MFHAS1: variants seen among roughly 807,000 people sequenced by gnomAD.
MFHAS1 encodes malignant fibrous histiocytoma-amplified sequence 1.
In MFHAS1, 50 loss-of-function variants were observed where a neutral mutation model predicts 70.4. The observed-to-expected ratio is 0.71, with a 90% confidence interval of 0.57 to 0.90. MFHAS1 has a LOEUF of 0.90. MFHAS1 is among the 40% of genes least tolerant of loss of function. MFHAS1 has a pLI of 0.00. For synonymous variants in MFHAS1, 952 were observed against 620.0 expected (o/e 1.54, Z -7.96); for missense variants, 1,795 against 1,347.6 (o/e 1.33, Z -5.20).
At chr8:8,862,888 A>G (rs1372818597) in intron 1 of MFHAS1, among the ~76,000 whole-genome samples, 4 of 152,184 alleles carry the variant, frequency 2.6e-5, no homozygotes, top group African/African-American at 9.7e-5. Context: ...ACTTCTCTAA[A>G]ACATAGTCTA....
chr8:8,795,610 T>A (rs1805865098), intron 2 of MFHAS1, among the ~76,000 whole-genome samples: 1 of 152,226 alleles, frequency 6.6e-6, no homozygotes, highest in African/African-American at 2.4e-5. Context: ...ATGTAATGAG[T>A]TTCCCAGTTT....
chr8:8,892,772 C>G lies in MFHAS1; in HGVS notation c.287G>C (p.Arg96Thr). The G allele has an allele frequency of 6.3e-7, 1 of 1,582,544 alleles. No homozygotes were observed. The highest frequency in any genetic ancestry group is 8.6e-7 in the Non-Finnish European group (1 of 1,165,502). ...CGGGGGCAGCCGGGCGAAGCGGTTC[C>G]TGCGCAGGACCAGGACGCGCAGGCT... is the stretch of plus-strand genomic sequence containing the variant. Reference protein sequence around the residue: ...LGSLRVLVLRRNRFARLPPAV... With the variant: ...LGSLRVLVLRTNRFARLPPAV... Residue 96 changes from arginine (R) to threonine (T), a missense_variant, in exon 1 of 3, where the codon AGG (arginine) becomes ACG (threonine). Coordinates refer to ENST00000276282, the MANE Select transcript of MFHAS1 (RefSeq NM_004225.3). The surrounding 1 kb of genome is among the most constrained non-coding windows in gnomAD (Gnocchi z 4.7).
At chr8:8,844,151 A>C (rs1169790437) in intron 1 of MFHAS1, among the ~76,000 whole-genome samples, 1 of 152,182 alleles carries the variant, frequency 6.6e-6, no homozygotes, top group Non-Finnish European at 1.5e-5. Context: ...CTAGCAAGAG[A>C]ACTGTGGGCA....
At chr8:8,816,223 G>C (rs1220303678) in intron 1 of MFHAS1, among the ~76,000 whole-genome samples, 1 of 152,096 alleles carries the variant, frequency 6.6e-6, no homozygotes, top group Non-Finnish European at 1.5e-5. Flanking sequence ...ATGGGGTCTG[G>C]GGTGACGATT....
chr8:8,845,770 A>C (rs540161587), intron 1 of MFHAS1, among the ~76,000 whole-genome samples: 1 of 152,276 alleles, frequency 6.6e-6, no homozygotes, highest in South Asian at 2.1e-4. Flanking sequence ...CACAGCAAAA[A>C]ACTAAATGGG....
At chr8:8,863,806 C>T (rs1335396622) in intron 1 of MFHAS1, among the ~76,000 whole-genome samples, 1 of 152,128 alleles carries the variant, frequency 6.6e-6, no homozygotes, top group East Asian at 1.9e-4. Flanking sequence ...TAGAAATTGA[C>T]CCACCCTGTC....
chr8:8,796,326 T>C (rs1320651682), intron 2 of MFHAS1, among the ~76,000 whole-genome samples: 4 of 152,198 alleles, frequency 2.6e-5, no homozygotes, highest in African/African-American at 9.7e-5. Context: ...TTCTGCAGGC[T>C]TTGCTCATGG....
chr8:8,819,951 G>A (rs918528596), intron 1 of MFHAS1, among the ~76,000 whole-genome samples: 1 of 152,042 alleles, frequency 6.6e-6, no homozygotes, highest in African/African-American at 2.4e-5. Context: ...TCCCGCCTCG[G>A]CCTCCCAAAG....
At chr8:8,789,262 A>G (rs979321084) in intron 2 of MFHAS1, among the ~76,000 whole-genome samples, 1 of 152,184 alleles carries the variant, frequency 6.6e-6, no homozygotes, top group Non-Finnish European at 1.5e-5. Context: ...TAGGGAAGAA[A>G]GCAGAGGAAG....
chr8:8,881,032 T>A (rs985430343), intron 1 of MFHAS1, among the ~76,000 whole-genome samples: 3 of 152,144 alleles, frequency 2.0e-5, no homozygotes, highest in Non-Finnish European at 4.4e-5. Flanking sequence ...ACAATGTCCC[T>A]GCAAGCCCAC....
Position 8,892,860 on chromosome 8 carries a change from C to T in MFHAS1, c.199G>A (p.Ala67Thr). 2 of 1,595,068 alleles carry T rather than the reference C, an allele frequency of 1.3e-6. No homozygotes were observed. Among genetic ancestry groups the T allele is most frequent in the Non-Finnish European group, 1.7e-6 (2 of 1,171,762 alleles). The stretch of plus-strand genomic sequence containing the variant: ...AGGCCGTTGTTCCCCAGGTTCAGTG[C>T]CTCAATGTCCCCGAGGTTGGCCGGC... The part of the protein sequence containing the change: ...VLPANLGDIE[A>T]LNLGNNGLEE... The change falls in exon 1 of 3, where the codon GCA (alanine) becomes ACA (threonine). Residue 67 changes from alanine to threonine, a missense_variant. Transcript: ENST00000276282. This position sits in a 1 kb window ranked among gnomAD's most constrained non-coding sequence, Gnocchi z 4.7.
At position 8,797,459 on chromosome 8, in the gene MFHAS1, C is replaced by T; in HGVS notation, c.3031G>A (p.Val1011Met). Reference sequence around the variant, plus strand: ...TTCTTGGGGCAAATGATCTCTGCCACTCCTTCCGGTCTGGGCTGACTCAGC... The same window carrying T: ...TTCTTGGGGCAAATGATCTCTGCCATTCCTTCCGGTCTGGGCTGACTCAGC... ...ELLSQPRPEGVAEIICPKNGS... is the reference protein window; with the variant it reads ...ELLSQPRPEGMAEIICPKNGS... The change falls in exon 2 of 3, where the codon GTG (valine) becomes ATG (methionine). Residue 1011 changes from valine to methionine, a missense_variant. Physicochemically the swap from Val to Met is conservative, Grantham distance 21 (BLOSUM62 1). Coordinates refer to ENST00000276282, the MANE Select transcript of MFHAS1 (RefSeq NM_004225.3). The T allele has an allele frequency of 6.2e-7, 1 of 1,614,128 alleles. No individual in the cohort carries two copies.
At chr8:8,831,111 G>A (rs1007461831) in intron 1 of MFHAS1, among the ~76,000 whole-genome samples, 2 of 151,844 alleles carry the variant, frequency 1.3e-5, no homozygotes, top group East Asian at 3.9e-4. Context: ...CTGCCTTCTT[G>A]TTATGTCCTC....
At chr8:8,815,781 A>T (rs1329297018) in intron 1 of MFHAS1, among the ~76,000 whole-genome samples, 1 of 152,186 alleles carries the variant, frequency 6.6e-6, no homozygotes, top group Non-Finnish European at 1.5e-5. Flanking sequence ...CTACCATGTT[A>T]CCCAGCTATG....
intron 1 of MFHAS1, among the ~76,000 whole-genome samples, chr8:8,877,583 T>C (rs377283128): frequency 1.9e-4 from 29 of 152,202 alleles, no homozygotes; most frequent in African/African-American, 6.8e-4. Context: ...GAATAACCAA[T>C]GCTACTCTTC....
At chr8:8,802,495 C>T (rs919114380) in intron 1 of MFHAS1, among the ~76,000 whole-genome samples, 19 of 152,178 alleles carry the variant, frequency 1.2e-4, no homozygotes, top group African/African-American at 4.6e-4. Context: ...GAGAAGACAC[C>T]ATATGTGAAT....
Position 8,890,202 on chromosome 8 carries a change from A to T in MFHAS1, c.2857T>A (p.Trp953Arg). The T allele has an allele frequency of 3.1e-6, 5 of 1,614,156 alleles. No individual in the cohort carries two copies. The highest frequency in any genetic ancestry group is 4.2e-6 in the Non-Finnish European group (5 of 1,180,036). Residue 953 changes from tryptophan (W) to arginine (R), a missense_variant, in exon 1 of 3, where the codon TGG (tryptophan) becomes AGG (arginine). Physicochemically the swap from Trp to Arg is moderately radical, Grantham distance 101. Coordinates refer to ENST00000276282, the MANE Select transcript of MFHAS1 (RefSeq NM_004225.3). ...GGGGTTATGGCTTGCCATGCGGTCC[A>T]TATATTTGGTAATGATGCATGGCTA... ...IASHASLPNI[W>R]TAWQAITPLV...
intron 1 of MFHAS1, among the ~76,000 whole-genome samples, chr8:8,806,733 G>A (rs1563182322): frequency 1.3e-5 from 2 of 152,172 alleles, no homozygotes; most frequent in African/African-American, 4.8e-5. Context: ...GGCCAAGGCT[G>A]GCAGATCACT....
Position 8,890,634 on chromosome 8 carries a change from G to T in MFHAS1, c.2425C>A (p.Pro809Thr). ...PAHVIRLLLKPHVQAQQDLQL... is the reference protein window; with the variant it reads ...PAHVIRLLLKTHVQAQQDLQL... ...AAGTCCTGCTGGGCCTGGACATGAG[G>T]CTTAAGCAGCAACCGAATGACATGA... Residue 809 changes from proline to threonine, a missense_variant, in exon 1 of 3, where the codon CCT becomes ACT. Pro to Thr is a conservative substitution (Grantham distance 38). Transcript: ENST00000276282. The T allele has an allele frequency of 6.2e-7, 1 of 1,613,784 alleles. No individual in the cohort carries two copies. The highest frequency in any genetic ancestry group is 8.5e-7 in the Non-Finnish European group (1 of 1,179,838).
Sources: allele counts gnomAD v4.1 joint callset (sites outside exome capture counted in the v4.1 genomes callset), GRCh38; gene constraint gnomAD v4.1.1; non-coding constraint Gnocchi (gnomAD v3.1); transcripts MANE v1.5; gene names NCBI Gene and HGNC (gene_info 2026-07-23, HGNC 2026-07-21).